The following CD5L variants were observed in gnomAD, a reference collection of about 807,000 sequenced individuals.
The protein encoded by CD5L is CD5 antigen-like.
CD5L carries 39 observed loss-of-function variants against 40.8 expected under a neutral mutation model. The ratio of observed to expected loss-of-function variants is 0.96; its 90% confidence interval spans 0.74 to 1.25. The LOEUF (loss-of-function observed/expected upper bound fraction) is 1.25. Ranked by LOEUF, CD5L falls within the 50% of genes most tolerant of loss-of-function variation. The pLI is 0.00. For synonymous variants in CD5L, 192 were observed against 169.6 expected (o/e 1.13, Z -1.03); for missense variants, 433 against 435.9 (o/e 0.99, Z 0.06).
chr1:157,835,836 C>T lies in CD5L; in HGVS notation c.375G>A (p.Glu125=), dbSNP rs767459140. 1.2e-6 allele frequency: 2 copies of T among 1,608,428 alleles called. No individual in the cohort carries two copies. Among genetic ancestry groups the T allele is most frequent in the Non-Finnish European group, 1.7e-6 (2 of 1,177,484 alleles). The change falls in exon 3 of 6, where the codon GAG becomes GAA. Residue 125 remains glutamate (E), a splice_region_variant and synonymous_variant. Transcript: ENST00000368174. ...GTCCGGGACCCCTGCCATACTCACT[C>T]TCACACGATGCCCCAGCATCTTCAT... ...SHDEDAGASC[E]NPESSFSPVP...
intron 4 of CD5L, 138 bp from the exon 5 acceptor site, chr1:157,833,650 G>C: frequency 2.8e-6 from 2 of 711,022 alleles, no homozygotes; most frequent in Non-Finnish European, 4.5e-6. Context: ...CTGTTGCCCA[G>C]GCTGGAGTGT....
At chr1:157,840,631 C>T (rs1016576045) in intron 1 of CD5L, among the ~76,000 whole-genome samples, 2 of 152,062 alleles carry the variant, frequency 1.3e-5, no homozygotes, top group Non-Finnish European at 2.9e-5. Context: ...ATTGCATAAC[C>T]CCAACCCAAC....
At chr1:157,838,627 C>CT (rs962297633) in intron 2 of CD5L, among the ~76,000 whole-genome samples, 12 of 151,810 alleles carry the variant, frequency 7.9e-5, no homozygotes, top group Non-Finnish European at 1.8e-4. Context: ...AAAAAAATTA[C>CT]TTTTTTAAAA....
chr1:157,838,615 A>T (rs182394653), intron 2 of CD5L, among the ~76,000 whole-genome samples: 75 of 144,892 alleles, frequency 5.2e-4, no homozygotes, highest in African/African-American at 1.6e-3. Flanking sequence ...AGAAATAAAT[A>T]AAAAAAAATT....
Position 157,831,530 on chromosome 1 carries a change from C to A in CD5L, c.*434G>T. ...CTACCCACATTTTCTTTCAAATGTT[C>A]CTTTCATTGTTTCATTCCTTTAATG... On this transcript the variant is annotated 3_prime_UTR_variant, in exon 6 of 6. Transcript: ENST00000368174. The A allele has an allele frequency of 1.0e-6, 1 of 992,452 alleles. No homozygotes were observed. Among genetic ancestry groups the A allele is most frequent in the South Asian group, 4.7e-5 (1 of 21,342 alleles). 61.5% of individuals were successfully genotyped at this position (992,452 alleles called of 1,614,324 possible). A position where few individuals can be genotyped will look rare whatever the true frequency, so the allele number is the denominator to read the frequency against.
At chr1:157,832,984 C>T (rs1056697280) in intron 5 of CD5L, among the ~76,000 whole-genome samples, 2 of 152,168 alleles carry the variant, frequency 1.3e-5, no homozygotes, top group African/African-American at 2.4e-5. Context: ...AGTGTCAGCC[C>T]TACCTCTACC....
rs1338591818 is a variant in CD5L at position 157,831,681 on chromosome 1, G to A, written c.*283C>T. On this transcript the variant is annotated 3_prime_UTR_variant, in exon 6 of 6. Coordinates refer to ENST00000368174, the MANE Select transcript of CD5L (RefSeq NM_005894.3). ...ATTCCAGGCAGCTTGAGAAAAGGCA[G>A]GAAAGGCCAGAACCAGTGTCAAAGG... 2 of 1,199,964 alleles carry A rather than the reference G, an allele frequency of 1.7e-6. No individual in the cohort carries two copies. Among genetic ancestry groups the A allele is most frequent in the Admixed American group, 4.3e-5 (1 of 23,090 alleles). 74.3% of individuals were successfully genotyped at this position (1,199,964 alleles called of 1,614,324 possible). A position where few individuals can be genotyped will look rare whatever the true frequency, so the allele number is the denominator to read the frequency against.
chr1:157,831,121 A>T lies in CD5L; in HGVS notation c.*843T>A. 2.0e-6 allele frequency: 2 copies of T among 985,380 alleles called. No individual in the cohort carries two copies. The highest frequency in any genetic ancestry group is 4.7e-5 in the South Asian group (1 of 21,280). 61.0% of individuals were successfully genotyped at this position (985,380 alleles called of 1,614,324 possible). ...ATATTTTTCACTTTCGCTTGGCATA[A>T]GACACAACTTTAGCCCTCCCTGATC... On this transcript the variant is annotated 3_prime_UTR_variant, in exon 6 of 6. Coordinates refer to ENST00000368174, the MANE Select transcript of CD5L (RefSeq NM_005894.3).
At chr1:157,832,128 C>A (rs952134501) in intron 5 of CD5L, among the ~76,000 whole-genome samples, 160 bp from the exon 6 acceptor site, 1 of 152,286 alleles carries the variant, frequency 6.6e-6, no homozygotes, top group East Asian at 1.9e-4. Context: ...AGGCCAGAAC[C>A]TTGTGCAGTA....
At chr1:157,837,454 C>A (rs1002558182) in intron 2 of CD5L, among the ~76,000 whole-genome samples, 4 of 152,206 alleles carry the variant, frequency 2.6e-5, no homozygotes, top group Admixed American at 2.6e-4. Flanking sequence ...TCCCACCAAG[C>A]CTCCTGCAGC....
At chr1:157,828,366 T>G (rs1397222868), downstream of CD5L, among the ~76,000 whole-genome samples, 1 of 152,192 alleles carries the variant, frequency 6.6e-6, no homozygotes, top group Non-Finnish European at 1.5e-5. Context: ...CATGCTTACT[T>G]CTACTTCACT....
downstream of CD5L, among the ~76,000 whole-genome samples, chr1:157,827,375 T>C (rs1655928933): frequency 6.6e-6 from 1 of 151,780 alleles, no homozygotes; most frequent in Non-Finnish European, 1.5e-5. Flanking sequence ...CTGTGTGCAA[T>C]GTGGAGACAT....
rs558693417 is a variant in CD5L, at chr1:157,841,718, G to T, written c.-17C>A. On this transcript the variant is annotated 5_prime_UTR_variant, in exon 1 of 6. Transcript: ENST00000368174. ...CAGAGCCATGACCAAGGCAGGTGAAGGTGATGAGCTGAAATTTAAGGCTAG... is the reference window on the plus strand; with the variant it reads ...CAGAGCCATGACCAAGGCAGGTGAATGTGATGAGCTGAAATTTAAGGCTAG... 1.9e-6 allele frequency: 3 copies of T among 1,612,102 alleles called. No homozygotes were observed. Among genetic ancestry groups the T allele is most frequent in the African/African-American group, 2.7e-5 (2 of 74,884 alleles).
In CD5L at chr1:157,831,806, G is replaced by A; in HGVS notation, c.*158C>T. On this transcript the variant is annotated 3_prime_UTR_variant, in exon 6 of 6. Coordinates refer to ENST00000368174, the MANE Select transcript of CD5L (RefSeq NM_005894.3). ...GCAGCAATGGGGGCTGCTTGTCCCTGAGAGTAAGGCATAAGCCCAGTGTTC... is the reference window on the plus strand; with the variant it reads ...GCAGCAATGGGGGCTGCTTGTCCCTAAGAGTAAGGCATAAGCCCAGTGTTC... The A allele has an allele frequency of 7.4e-7, 1 of 1,344,952 alleles. No individual in the cohort carries two copies. 83.3% of individuals were successfully genotyped at this position (1,344,952 alleles called of 1,614,324 possible).
chr1:157,828,259 C>T (rs77273438), downstream of CD5L, among the ~76,000 whole-genome samples: 1,088 of 152,310 alleles, frequency 7.1e-3, 15 homozygotes, highest in African/African-American at 0.025. Context: ...TGGTGTCAAA[C>T]CCAGTAGTCA....
In CD5L at chr1:157,831,720, A is replaced by G; in HGVS notation, c.*244T>C. The G allele has an allele frequency of 7.9e-7, 1 of 1,259,824 alleles. No homozygotes were observed. Among genetic ancestry groups the G allele is most frequent in the Non-Finnish European group, 1.0e-6 (1 of 1,001,870 alleles). The allele number at this position is 1,259,824 out of a possible 1,614,324, so 78.0% of individuals were successfully genotyped here. ...CAGTGTCAAAGGGTCAGGGTTGAGC[A>G]CAGGATACATGGAAGCTCATCTTCC... On this transcript the variant is annotated 3_prime_UTR_variant, in exon 6 of 6. Coordinates refer to ENST00000368174, the MANE Select transcript of CD5L (RefSeq NM_005894.3).
At position 157,831,479 on chromosome 1, in the gene CD5L, CT is replaced by C. The variant is rs775373844; in HGVS notation, c.*484del. 3.1e-5 allele frequency: 31 copies of C among 985,166 alleles called. No homozygotes were observed. Among genetic ancestry groups the C allele is most frequent in the Non-Finnish European group, 3.6e-5 (30 of 829,984 alleles). The allele number at this position is 985,166 out of a possible 1,614,324, so 61.0% of individuals were successfully genotyped here. On this transcript the variant is annotated 3_prime_UTR_variant, in exon 6 of 6. Coordinates refer to ENST00000368174, the MANE Select transcript of CD5L (RefSeq NM_005894.3). Reference sequence around the variant, plus strand: ...GTAGTCCAATCAAAAGAATTCTAAACTTTCCCCCAAGTTGCAAGAAATTGTC... The same window carrying C: ...GTAGTCCAATCAAAAGAATTCTAAACTTCCCCCAAGTTGCAAGAAATTGTC...
downstream of CD5L, among the ~76,000 whole-genome samples, chr1:157,829,088 T>A (rs1557938395): frequency 6.6e-6 from 1 of 152,160 alleles, no homozygotes; most frequent in Non-Finnish European, 1.5e-5. Context: ...GTAAATTTGA[T>A]GTGTTTGAGG....
rs527891722 is a variant in CD5L, at chr1:157,836,069, C to T, written c.142G>A (p.Val48Met). The change falls in exon 3 of 6, where the codon GTG becomes ATG. Residue 48 changes from valine (V) to methionine (M), a missense_variant. Transcript: ENST00000368174. ...EVEQKGQWGT[V>M]CDDGWDIKDV... is the part of the protein sequence containing the mutation. Reference sequence around the variant, plus strand: ...TTAATGTCCCAGCCGTCATCACACACGGTGCCCCACTGGCCTTTCTGTTCC... The same window carrying T: ...TTAATGTCCCAGCCGTCATCACACATGGTGCCCCACTGGCCTTTCTGTTCC... 13 of 1,614,118 alleles carry T rather than the reference C, an allele frequency of 8.1e-6. No individual in the cohort carries two copies. Among genetic ancestry groups the T allele is most frequent in the South Asian group, 4.4e-5 (4 of 91,082 alleles).
Sources: gnomAD v4.1 joint callset for allele counts (sites outside exome capture counted in the v4.1 genomes callset) on GRCh38, gnomAD v4.1.1 for gene constraint, MANE v1.5 for transcripts, NCBI Gene and HGNC (gene_info 2026-07-23, HGNC 2026-07-21) for gene names.